The following OR8I2 variants were observed in gnomAD, a reference collection of about 807,000 sequenced individuals.
OR8I2 encodes the protein olfactory receptor family 8 subfamily I member 2, also known as olfactory receptor 8I2.
For synonymous variants in OR8I2, 158 were observed against 142.8 expected (o/e 1.11, Z -0.76); for missense variants, 431 against 368.3 (o/e 1.17, Z -1.39).
At position 56,094,065 on chromosome 11, in the gene OR8I2, CT is replaced by C. The variant is rs1159336251; in HGVS notation, c.759del (p.Leu254Ter). On this transcript the variant is annotated frameshift_variant, in exon 1 of 1. Coordinates refer to ENST00000302124, the MANE Select transcript of OR8I2 (RefSeq NM_001003750.1). LOFTEE classifies it low-confidence loss of function (END_TRUNC). ...HLMAVTIFYG[S>X]LIFTYLQPDN... ...ATGGCTGTAACTATCTTTTATGGGT[CT>C]CTGATTTTCACCTATTTGCAACCTG... The C allele has an allele frequency of 6.2e-7, 1 of 1,613,962 alleles. No individual in the cohort carries two copies. The highest frequency in any genetic ancestry group is 1.7e-5 in the Admixed American group (1 of 59,948).
chr11:56,093,810 T>C lies in OR8I2; in HGVS notation c.503T>C (p.Phe168Ser), dbSNP rs538399922. 8.7e-6 allele frequency: 14 copies of C among 1,613,856 alleles called. 1 individual carries two copies. In the African/African-American group the frequency reaches 1.1e-4, roughly 12 times the overall value. ...GTCTGGGTGATAAGCAGTTTGGCGT[T>C]CTGTGATTCCAGCATCAATCATTTT... ...ISVWVISSLA[F>S]CDSSINHFFC... The change falls in exon 1 of 1, where the codon TTC (phenylalanine) becomes TCC (serine). Residue 168 changes from phenylalanine to serine, a missense_variant. Phe to Ser is a radical substitution (Grantham distance 155). Coordinates refer to ENST00000302124, the MANE Select transcript of OR8I2 (RefSeq NM_001003750.1).
rs1853921357 is a variant in OR8I2, at chr11:56,094,217, A to C, written c.910A>C (p.Ile304Leu). 6.4e-7 allele frequency: 1 copy of C among 1,556,788 alleles called. No individual in the cohort carries two copies. The highest frequency in any genetic ancestry group is 1.8e-5 in the Admixed American group (1 of 55,152). ...KDVKNALLRV[I>L]HRKLFP The stretch of plus-strand genomic sequence containing the variant: ...TGTGAAAAATGCTCTTCTGAGAGTC[A>C]TACATAGAAAACTTTTTCCATGACA... The change falls in exon 1 of 1, where the codon ATA (isoleucine) becomes CTA (leucine). Residue 304 changes from isoleucine to leucine, a missense_variant. Ile to Leu is a conservative substitution (Grantham distance 5, BLOSUM62 2). Transcript: ENST00000302124.
rs1263351289 is a variant in OR8I2 at position 56,093,979 on chromosome 11, C to A, written c.672C>A (p.Ile224=). 1 of 1,614,038 alleles carries A rather than the reference C, an allele frequency of 6.2e-7. No individual in the cohort carries two copies. Among genetic ancestry groups the A allele is most frequent in the Non-Finnish European group, 8.5e-7 (1 of 1,180,002 alleles). ...TVTYIIIISA[I]LRIQSAAGRQ... is the part of the protein sequence containing the mutation. ...CTTATATCATCATCATCTCAGCCATCCTGAGGATCCAGTCAGCAGCAGGCA... is the reference window on the plus strand; with the variant it reads ...CTTATATCATCATCATCTCAGCCATACTGAGGATCCAGTCAGCAGCAGGCA... Residue 224 remains isoleucine (I), a synonymous_variant, in exon 1 of 1, where the codon ATC becomes ATA. Transcript: ENST00000302124.
In OR8I2 at chr11:56,093,897, T is replaced by C. The variant is rs752340859; in HGVS notation, c.590T>C (p.Val197Ala). The change falls in exon 1 of 1, where the codon GTG (valine) becomes GCG (alanine). Residue 197 changes from valine to alanine, a missense_variant. Val to Ala is a moderately conservative substitution (Grantham distance 64). Coordinates refer to ENST00000302124, the MANE Select transcript of OR8I2 (RefSeq NM_001003750.1). Reference sequence around the variant, plus strand: ...GTAGATACATTCGGCACAGAAATGGTGAGCTTTGTCTTAGCTGGATTCACT... The same window carrying C: ...GTAGATACATTCGGCACAGAAATGGCGAGCTTTGTCTTAGCTGGATTCACT... ...SCVDTFGTEM[V>A]SFVLAGFTLL... 3.1e-6 allele frequency: 5 copies of C among 1,613,660 alleles called. No homozygotes were observed. Among genetic ancestry groups the C allele is most frequent in the Non-Finnish European group, 4.2e-6 (5 of 1,179,734 alleles).
Position 56,093,648 on chromosome 11 carries a change from T to C in OR8I2, c.341T>C (p.Leu114Pro). The change falls in exon 1 of 1, where the codon CTT becomes CCT. Residue 114 changes from leucine to proline, a missense_variant. Leu to Pro is a moderately conservative substitution (Grantham distance 98). Transcript: ENST00000302124. ...FVGLVCCECF[L>P]LGSMAYNRYI... ...GGATTGGTGTGTTGTGAGTGTTTCCTTCTGGGATCAATGGCCTACAATCGC... is the reference window on the plus strand; with the variant it reads ...GGATTGGTGTGTTGTGAGTGTTTCCCTCTGGGATCAATGGCCTACAATCGC... 1 of 1,614,034 alleles carries C rather than the reference T, an allele frequency of 6.2e-7. No homozygotes were observed. The highest frequency in any genetic ancestry group is 8.5e-7 in the Non-Finnish European group (1 of 1,179,980).
At position 56,094,211 on chromosome 11, in the gene OR8I2, A is replaced by G. The variant is rs772783488; in HGVS notation, c.904A>G (p.Arg302Gly). The change falls in exon 1 of 1, where the codon AGA (arginine) becomes GGA (glycine). Residue 302 changes from arginine (R) to glycine (G), a missense_variant. Transcript: ENST00000302124. ...CAAAGATGTGAAAAATGCTCTTCTG[A>G]GAGTCATACATAGAAAACTTTTTCC... ...RNKDVKNALL[R>G]VIHRKLFP is the part of the protein sequence containing the mutation. 3 of 1,582,346 alleles carry G rather than the reference A, an allele frequency of 1.9e-6. No individual in the cohort carries two copies. The South Asian group carries it at 3.3e-5, about 18-fold the overall frequency.
rs144263438 is a variant in OR8I2 at position 56,093,409 on chromosome 11, T to C, written c.102T>C (p.Ile34=). 55 of 1,613,796 alleles carry C rather than the reference T, an allele frequency of 3.4e-5. No homozygotes were observed. In the African/African-American group the frequency reaches 5.7e-4, roughly 17 times the overall value. The change falls in exon 1 of 1, where the codon ATT becomes ATC. Residue 34 remains isoleucine (I), a synonymous_variant. Transcript: ENST00000302124. ...QVSLFLMFLF[I]YLFTVLGNLG... is the part of the protein sequence containing the mutation. ...GTCTTTTCTTGATGTTTCTCTTCAT[T>C]TATCTATTCACTGTTTTGGGAAACC...
At position 56,094,024 on chromosome 11, in the gene OR8I2, C is replaced by A; in HGVS notation, c.717C>A (p.Thr239=). 2 of 1,614,028 alleles carry A rather than the reference C, an allele frequency of 1.2e-6. No individual in the cohort carries two copies. The highest frequency in any genetic ancestry group is 1.7e-6 in the Non-Finnish European group (2 of 1,180,010). The change falls in exon 1 of 1, where the codon ACC becomes ACA. Residue 239 remains threonine (T), a synonymous_variant. Transcript: ENST00000302124. ...CAGGCAGGCAGAAGGCCTTCTCCAC[C>A]TGCGCATCCCACCTCATGGCTGTAA... ...SAAGRQKAFS[T]CASHLMAVTI... is the part of the protein sequence containing the mutation.
Position 56,094,069 on chromosome 11 carries a change from G to A in OR8I2, c.762G>A (p.Leu254=), listed in dbSNP as rs866731048. 3 of 1,613,986 alleles carry A rather than the reference G, an allele frequency of 1.9e-6. No homozygotes were observed. Among genetic ancestry groups the A allele is most frequent in the South Asian group, 2.2e-5 (2 of 91,078 alleles). ...CTGTAACTATCTTTTATGGGTCTCT[G>A]ATTTTCACCTATTTGCAACCTGATA... ...LMAVTIFYGS[L]IFTYLQPDNT... Residue 254 remains leucine, a synonymous_variant, in exon 1 of 1, where the codon CTG becomes CTA. Coordinates refer to ENST00000302124, the MANE Select transcript of OR8I2 (RefSeq NM_001003750.1).
rs1853921546 is a variant in OR8I2, at chr11:56,094,235, C to T, written c.928C>T (p.Pro310Ser). 2.7e-6 allele frequency: 4 copies of T among 1,460,646 alleles called. No homozygotes were observed. The South Asian group carries it at 3.6e-5, about 13-fold the overall frequency. The allele number at this position is 1,460,646 out of a possible 1,614,324, so 90.5% of individuals were successfully genotyped here. Residue 310 changes from proline to serine, a missense_variant, in exon 1 of 1, where the codon CCA becomes TCA. Transcript: ENST00000302124. ...GAGAGTCATACATAGAAAACTTTTT[C>T]CATGACAAATTTATGTATGTTACAA... ...LLRVIHRKLF[P>S]
Position 56,093,555 on chromosome 11 carries a change from T to A in OR8I2, c.248T>A (p.Val83Glu), listed in dbSNP as rs750505231. 1.2e-6 allele frequency: 2 copies of A among 1,614,016 alleles called. No homozygotes were observed. Among genetic ancestry groups the A allele is most frequent in the African/African-American group, 2.7e-5 (2 of 75,056 alleles). The change falls in exon 1 of 1, where the codon GTG (valine) becomes GAG (glutamate). Residue 83 changes from valine (V) to glutamate (E), a missense_variant. By Grantham distance (121) the Val-to-Glu change is moderately radical. Transcript: ENST00000302124. ...YSSTVTPKAL[V>E]NFQSNRRSIS... Reference sequence around the variant, plus strand: ...TCTACTGTAACACCTAAGGCATTGGTGAATTTCCAATCCAATCGGAGATCC... The same window carrying A: ...TCTACTGTAACACCTAAGGCATTGGAGAATTTCCAATCCAATCGGAGATCC...
chr11:56,094,047 T>G lies in OR8I2; in HGVS notation c.740T>G (p.Val247Gly). Residue 247 changes from valine to glycine, a missense_variant, in exon 1 of 1, where the codon GTA becomes GGA. By Grantham distance (109) the Val-to-Gly change is moderately radical. Coordinates refer to ENST00000302124, the MANE Select transcript of OR8I2 (RefSeq NM_001003750.1). ...ACCTGCGCATCCCACCTCATGGCTGTAACTATCTTTTATGGGTCTCTGATT... is the reference window on the plus strand; with the variant it reads ...ACCTGCGCATCCCACCTCATGGCTGGAACTATCTTTTATGGGTCTCTGATT... ...FSTCASHLMAVTIFYGSLIFT... is the reference protein window; with the variant it reads ...FSTCASHLMAGTIFYGSLIFT... The G allele has an allele frequency of 6.2e-7, 1 of 1,614,032 alleles. No homozygotes were observed. Among genetic ancestry groups the G allele is most frequent in the Non-Finnish European group, 8.5e-7 (1 of 1,180,000 alleles).
At position 56,093,775 on chromosome 11, in the gene OR8I2, G is replaced by T; in HGVS notation, c.468G>T (p.Ser156=). 1 of 1,613,968 alleles carries T rather than the reference G, an allele frequency of 6.2e-7. No homozygotes were observed. The highest frequency in any genetic ancestry group is 1.3e-5 in the African/African-American group (1 of 75,018). The stretch of plus-strand genomic sequence containing the variant: ...CATATGTGATAGGCTTCACAAGCTC[G>T]CTGATATCTGTCTGGGTGATAAGCA... ...VMPYVIGFTS[S]LISVWVISSL... The change falls in exon 1 of 1, where the codon TCG becomes TCT. Residue 156 remains serine, a synonymous_variant. Transcript: ENST00000302124.
rs766593939 is a variant in OR8I2 at position 56,093,565 on chromosome 11, A to G, written c.258A>G (p.Gln86=). 3.7e-5 allele frequency: 59 copies of G among 1,613,870 alleles called. No individual in the cohort carries two copies. Among genetic ancestry groups the G allele is most frequent in the South Asian group, 3.4e-4 (31 of 91,092 alleles). The change falls in exon 1 of 1, where the codon CAA becomes CAG. Residue 86 remains glutamine (Q), a synonymous_variant. Coordinates refer to ENST00000302124, the MANE Select transcript of OR8I2 (RefSeq NM_001003750.1). ...CACCTAAGGCATTGGTGAATTTCCAATCCAATCGGAGATCCATCTCCTTTG... is the reference window on the plus strand; with the variant it reads ...CACCTAAGGCATTGGTGAATTTCCAGTCCAATCGGAGATCCATCTCCTTTG... The part of the protein sequence containing the change: ...TVTPKALVNF[Q]SNRRSISFVG...
chr11:56,093,426 T>C lies in OR8I2; in HGVS notation c.119T>C (p.Leu40Ser), dbSNP rs776616051. The change falls in exon 1 of 1, where the codon TTG (leucine) becomes TCG (serine). Residue 40 changes from leucine to serine, a missense_variant. Leu to Ser is a moderately radical substitution (Grantham distance 145). Coordinates refer to ENST00000302124, the MANE Select transcript of OR8I2 (RefSeq NM_001003750.1). ...CTCTTCATTTATCTATTCACTGTTT[T>C]GGGAAACCTGGGACTGATCACGTTA... ...MFLFIYLFTVLGNLGLITLIR... is the reference protein window; with the variant it reads ...MFLFIYLFTVSGNLGLITLIR... The C allele has an allele frequency of 1.9e-6, 3 of 1,613,806 alleles. No homozygotes were observed. Among genetic ancestry groups the C allele is most frequent in the African/African-American group, 2.7e-5 (2 of 74,904 alleles).
At position 56,093,912 on chromosome 11, in the gene OR8I2, C is replaced by T. The variant is rs144146416; in HGVS notation, c.605C>T (p.Ala202Val). 12 of 1,613,948 alleles carry T rather than the reference C, an allele frequency of 7.4e-6. No individual in the cohort carries two copies. The highest frequency in any genetic ancestry group is 1.7e-4 in the Middle Eastern group (1 of 6,060). The stretch of plus-strand genomic sequence containing the variant: ...ACAGAAATGGTGAGCTTTGTCTTAG[C>T]TGGATTCACTCTTCTTAGCTCTCTC... ...FGTEMVSFVL[A>V]GFTLLSSLLI... The change falls in exon 1 of 1, where the codon GCT becomes GTT. Residue 202 changes from alanine to valine, a missense_variant. Transcript: ENST00000302124.
Position 56,093,703 on chromosome 11 carries a change from T to C in OR8I2, c.396T>C (p.Tyr132=), listed in dbSNP as rs773652401. Residue 132 remains tyrosine, a synonymous_variant, in exon 1 of 1, where the codon TAT becomes TAC. Coordinates refer to ENST00000302124, the MANE Select transcript of OR8I2 (RefSeq NM_001003750.1). ...RYIAICNPLL[Y]SVVMSQKVSN... is the part of the protein sequence containing the mutation. ...TAGCAATCTGCAATCCCTTACTGTA[T>C]TCAGTAGTCATGTCCCAAAAAGTGT... 3 of 1,613,878 alleles carry C rather than the reference T, an allele frequency of 1.9e-6. No homozygotes were observed. The African/African-American group carries it at 4.0e-5, about 22-fold the overall frequency.
chr11:56,094,090 T>C lies in OR8I2; in HGVS notation c.783T>C (p.Pro261=). ...CTCTGATTTTCACCTATTTGCAACCTGATAACACATCATCGCTGACCCAGG... is the reference window on the plus strand; with the variant it reads ...CTCTGATTTTCACCTATTTGCAACCCGATAACACATCATCGCTGACCCAGG... The part of the protein sequence containing the change: ...YGSLIFTYLQ[P]DNTSSLTQAQ... The change falls in exon 1 of 1, where the codon CCT becomes CCC. Residue 261 remains proline (P), a synonymous_variant. Coordinates refer to ENST00000302124, the MANE Select transcript of OR8I2 (RefSeq NM_001003750.1). The C allele has an allele frequency of 1.2e-6, 2 of 1,614,070 alleles. No homozygotes were observed. Among genetic ancestry groups the C allele is most frequent in the Non-Finnish European group, 1.7e-6 (2 of 1,180,014 alleles).
rs1376646437 is a variant in OR8I2, at chr11:56,093,732, A to G, written c.425A>G (p.Asn142Ser). Residue 142 changes from asparagine to serine, a missense_variant, in exon 1 of 1, where the codon AAC becomes AGC. Coordinates refer to ENST00000302124, the MANE Select transcript of OR8I2 (RefSeq NM_001003750.1). ...GTAGTCATGTCCCAAAAAGTGTCCA[A>G]CTGGCTGGGAGTAATGCCATATGTG... ...YSVVMSQKVS[N>S]WLGVMPYVIG... 1.5e-5 allele frequency: 24 copies of G among 1,613,914 alleles called. No individual in the cohort carries two copies. The highest frequency in any genetic ancestry group is 1.9e-5 in the Non-Finnish European group (23 of 1,179,960).
Sources: gnomAD v4.1 joint callset for allele counts on GRCh38, gnomAD v4.1.1 for gene constraint, MANE v1.5 for transcripts, NCBI Gene and HGNC (gene_info 2026-07-23, HGNC 2026-07-21) for gene names.